The following RBM33 variants were observed in gnomAD, a reference collection of about 807,000 sequenced individuals.
RBM33 encodes the protein RNA binding motif protein 33.
RBM33 carries 28 observed loss-of-function variants against 132.6 expected under a neutral mutation model. The observed-to-expected ratio is 0.21, with a 90% CI of 0.16 to 0.29. The LOEUF (loss-of-function observed/expected upper bound fraction) is 0.29. Ranked by LOEUF, RBM33 falls within the 10% of genes least tolerant of loss-of-function variation. The pLI, the probability that RBM33 is intolerant of heterozygous loss-of-function variation, is 1.00. For missense variants in RBM33, 1,291 were observed against 1,518.5 expected, an observed-to-expected ratio of 0.85 and a Z score of 2.49; for synonymous variants, 634 against 593.0, an observed-to-expected ratio of 1.07 and a Z score of -1.01.
At chr7:155,766,400 A>G (rs1802217956) in intron 15 of RBM33, 67 bp from the exon 16 acceptor site, 1 of 1,520,560 alleles carries the variant, frequency 6.6e-7, no homozygotes, top group East Asian at 2.3e-5. Context: ...GTTCACTTTT[A>G]TATCTTAGTG....
chr7:155,769,293 A>G (rs574040031), intron 16 of RBM33, among the ~76,000 whole-genome samples: 69 of 152,166 alleles, frequency 4.5e-4, no homozygotes, highest in Non-Finnish European at 7.8e-4. Flanking sequence ...TGAAAGAAGC[A>G]AGAAACCGTC....
At position 155,739,834 on chromosome 7, in the gene RBM33, C is replaced by T; in HGVS notation, c.1857C>T (p.His619=). ...CCCCGCACCAGCCCCCGCCCCAGCA[C>T]CAGCCCCCACCCCAGCACCCACCAC... The part of the protein sequence containing the change: ...HQPPHQPPPQ[H]QPPPQHPPQH... The change falls in exon 12 of 18, where the codon CAC becomes CAT. Residue 619 remains histidine (H), a synonymous_variant. Coordinates refer to ENST00000401878, the MANE Select transcript of RBM33 (RefSeq NM_053043.3). 7.5e-7 allele frequency: 1 copy of T among 1,336,684 alleles called. No homozygotes were observed. Among genetic ancestry groups the T allele is most frequent in the Non-Finnish European group, 1.0e-6 (1 of 971,444 alleles). The allele number at this position is 1,336,684 out of a possible 1,614,324, so 82.8% of individuals were successfully genotyped here.
At chr7:155,672,971 A>C (rs1430387523) in intron 3 of RBM33, 56 bp downstream of exon 3, 3 of 1,218,592 alleles carry the variant, frequency 2.5e-6, no homozygotes, top group Non-Finnish European at 3.5e-6. Context: ...TATACTTAAC[A>C]TACAGCAGTA....
intron 1 of RBM33, among the ~76,000 whole-genome samples, chr7:155,651,365 G>A (rs1798348252): frequency 6.6e-6 from 1 of 152,222 alleles, no homozygotes; most frequent in Non-Finnish European, 1.5e-5. Flanking sequence ...CTGCTCTTGA[G>A]AAGTTTGAGG....
intron 9 of RBM33, among the ~76,000 whole-genome samples, chr7:155,734,557 A>G (rs1585503976): frequency 6.6e-6 from 1 of 152,110 alleles, no homozygotes; most frequent in African/African-American, 2.4e-5. Flanking sequence ...ATCTTGTTTC[A>G]GGCTGTGATA....
intron 1 of RBM33, among the ~76,000 whole-genome samples, chr7:155,658,225 CA>C (rs1798544286): frequency 1.3e-5 from 2 of 152,056 alleles, no homozygotes; most frequent in Admixed American, 1.3e-4. Context: ...CTTTTTGAAA[CA>C]ATTTTGGATT....
rs375361082 is a variant in RBM33 at position 155,711,216 on chromosome 7, C to A, written c.962C>A (p.Pro321His). The A allele has an allele frequency of 6.4e-7, 1 of 1,572,798 alleles. No individual in the cohort carries two copies. Among genetic ancestry groups the A allele is most frequent in the Non-Finnish European group, 8.6e-7 (1 of 1,158,754 alleles). Reference sequence around the variant, plus strand: ...ATTCCTCCACAGCCCCAGGCTCCCCCTCCACCGCCACCGCCGCCTCAGCAG... The same window carrying A: ...ATTCCTCCACAGCCCCAGGCTCCCCATCCACCGCCACCGCCGCCTCAGCAG... ...TQPPVVPQAP[P>H]PPPPPPQQQP... Residue 321 changes from proline to histidine, a missense_variant, in exon 8 of 18, where the codon CCT becomes CAT. By Grantham distance (77) the Pro-to-His change is moderately conservative. Transcript: ENST00000401878.
intron 2 of RBM33, among the ~76,000 whole-genome samples, chr7:155,672,552 C>T (rs748894792): frequency 6.6e-5 from 10 of 152,114 alleles, no homozygotes; most frequent in East Asian, 1.9e-4. Context: ...GTCAGGAGTT[C>T]GAGACCAGCC....
chr7:155,694,719 C>T (rs7797742), intron 5 of RBM33, among the ~76,000 whole-genome samples: 114,438 of 152,116 alleles, frequency 0.75, 43,333 homozygotes, highest in South Asian at 0.8. Flanking sequence ...TTGCTCGGCA[C>T]GTTTTTGAGA....
chr7:155,677,925 T>A (rs1228570609), intron 3 of RBM33, among the ~76,000 whole-genome samples: 1 of 152,136 alleles, frequency 6.6e-6, no homozygotes. Flanking sequence ...GGGAGGAACG[T>A]GTGAAGTAGT....
At chr7:155,726,422 T>A (rs1221757847) in intron 9 of RBM33, among the ~76,000 whole-genome samples, 2 of 151,982 alleles carry the variant, frequency 1.3e-5, no homozygotes, top group East Asian at 3.9e-4. Context: ...TAGATAAAAA[T>A]CATGTAATTA....
At chr7:155,709,962 C>T (rs1040245932) in intron 7 of RBM33, among the ~76,000 whole-genome samples, 1 of 152,196 alleles carries the variant, frequency 6.6e-6, no homozygotes, top group African/African-American at 2.4e-5. Context: ...CAGACTATGG[C>T]TTTTCCATTG....
Position 155,665,237 on chromosome 7 carries a change from G to A in RBM33, c.106G>A (p.Asp36Asn). 1 of 1,613,864 alleles carries A rather than the reference G, an allele frequency of 6.2e-7. No individual in the cohort carries two copies. Among genetic ancestry groups the A allele is most frequent in the Non-Finnish European group, 8.5e-7 (1 of 1,179,778 alleles). ...AERSWRRRAADEDWDSELEDD... is the reference protein window; with the variant it reads ...AERSWRRRAANEDWDSELEDD... ...ACGGTCGTGGAGAAGAAGAGCTGCT[G>A]ATGAGGACTGGGACAGGTACGTGCA... is the stretch of plus-strand genomic sequence containing the variant. The change falls in exon 2 of 18, where the codon GAT becomes AAT. Residue 36 changes from aspartate to asparagine, a missense_variant. Around this residue, in one of 7 missense-constraint regions of RBM33, gnomAD observed 194 missense variants for 249.8 expected, o/e 0.78. Coordinates refer to ENST00000401878, the MANE Select transcript of RBM33 (RefSeq NM_053043.3).
At chr7:155,751,331 C>G (rs889240181) in intron 14 of RBM33, among the ~76,000 whole-genome samples, 6 of 152,162 alleles carry the variant, frequency 3.9e-5, no homozygotes, top group Non-Finnish European at 7.3e-5. Flanking sequence ...TGTTATGATT[C>G]AGCACACAGA....
In RBM33 at chr7:155,745,155, A is replaced by C; in HGVS notation, c.2532A>C (p.Glu844Asp). 1 of 1,607,390 alleles carries C rather than the reference A, an allele frequency of 6.2e-7. No homozygotes were observed. The highest frequency in any genetic ancestry group is 1.1e-5 in the South Asian group (1 of 89,866). Residue 844 changes from glutamate (E) to aspartate (D), a missense_variant, in exon 14 of 18, where the codon GAA (glutamate) becomes GAC (aspartate). Glu to Asp is a conservative substitution (Grantham distance 45, BLOSUM62 2). Transcript: ENST00000401878. The surrounding 1 kb of genome is among the most constrained non-coding windows in gnomAD (Gnocchi z 4.1). ...CTCCCCCACCCCCAGCAGAGCAGGA[A>C]GAGCAGGCACTGTCACCATCACCCA... The part of the protein sequence containing the change: ...LYAPPPPAEQ[E>D]EQALSPSPTN...
rs547601611 is a variant in RBM33 at position 155,702,260 on chromosome 7, T to A, written c.739+1316T>A. Among the ~76,000 whole-genome samples, 696 of 152,336 alleles carry A rather than the reference T, an allele frequency of 4.6e-3. 8 individuals are homozygous for A. Among genetic ancestry groups the A allele is most frequent in the African/African-American group, 0.016 (653 of 41,570 alleles). On this transcript the variant is annotated intron_variant, in intron 6 of 17. Coordinates refer to ENST00000401878, the MANE Select transcript of RBM33 (RefSeq NM_053043.3). ...AGATACGAATTCTGTGGGAGGACAC[T>A]AAGCTTCAAAGATGCACAAGATAGC...
intron 9 of RBM33, among the ~76,000 whole-genome samples, chr7:155,732,533 C>T (rs1015351489): frequency 2.0e-5 from 3 of 152,314 alleles, no homozygotes; most frequent in East Asian, 1.9e-4. Flanking sequence ...TCAGCCCATC[C>T]GTAGCCGACT....
Position 155,711,421 on chromosome 7 carries a change from G to A in RBM33, c.1167G>A (p.Pro389=), listed in dbSNP as rs770616345. 7.3e-6 allele frequency: 11 copies of A among 1,513,902 alleles called. No homozygotes were observed. The East Asian group carries it at 1.0e-4, about 14-fold the overall frequency. The allele number at this position is 1,513,902 out of a possible 1,614,324, so 93.8% of individuals were successfully genotyped here. A position where few individuals can be genotyped will look rare whatever the true frequency, so the allele number is the denominator to read the frequency against. Reference sequence around the variant, plus strand: ...AGCCCAAGAACATACACATCAACCCGCACTTCAAAGGGACGGTGGTCACGC... The same window carrying A: ...AGCCCAAGAACATACACATCAACCCACACTTCAAAGGGACGGTGGTCACGC... The part of the protein sequence containing the change: ...PQQPKNIHIN[P]HFKGTVVTPV... Residue 389 remains proline (P), a synonymous_variant, in exon 8 of 18, where the codon CCG becomes CCA. Transcript: ENST00000401878.
chr7:155,681,055 T>G, intron 5 of RBM33, 147 bp downstream of exon 5: 1 of 659,944 alleles, frequency 1.5e-6, no homozygotes, highest in Non-Finnish European at 2.5e-6. Flanking sequence ...TTATCTGAGC[T>G]ATGACAAAGT....
Sources: allele counts gnomAD v4.1 joint callset (sites outside exome capture counted in the v4.1 genomes callset), GRCh38; gene constraint gnomAD v4.1.1; regional missense constraint gnomAD v4.1.1; non-coding constraint Gnocchi (gnomAD v3.1); transcripts MANE v1.5; gene names NCBI Gene and HGNC (gene_info 2026-07-23, HGNC 2026-07-21).